WDR35: variants seen among roughly 807,000 people sequenced by gnomAD.
The protein encoded by WDR35 is WD repeat domain 35.
Under a neutral mutation model 158.3 loss-of-function variants are expected in WDR35, and 118 were observed. That is an observed-to-expected ratio of 0.75 (90% CI 0.64 to 0.87). WDR35 has a LOEUF of 0.87. Among genes scored for constraint, WDR35 ranks in the 40% least tolerant of loss-of-function variants. WDR35 has a pLI of 0.00. For missense variants in WDR35, 1,263 were observed against 1,405.8 expected, an observed-to-expected ratio of 0.90 and a Z score of 1.62; for synonymous variants, 448 against 476.1, an observed-to-expected ratio of 0.94 and a Z score of 0.77.
chr2:19,967,374 C>T (rs1158641231), intron 9 of WDR35, among the ~76,000 whole-genome samples: 1 of 152,024 alleles, frequency 6.6e-6, no homozygotes, highest in Non-Finnish European at 1.5e-5. Context: ...AATAATCCTA[C>T]CTGGCTTATT....
At chr2:19,927,729 C>T (rs1670401262) in intron 25 of WDR35, among the ~76,000 whole-genome samples, 1 of 152,188 alleles carries the variant, frequency 6.6e-6, no homozygotes, top group Non-Finnish European at 1.5e-5. Flanking sequence ...ATTAAAAGAA[C>T]AAATATTCAA....
chr2:19,984,115 A>G (rs899983213), intron 2 of WDR35, among the ~76,000 whole-genome samples: 1 of 151,670 alleles, frequency 6.6e-6, no homozygotes, highest in African/African-American at 2.4e-5. Context: ...ATTTAGATTG[A>G]CCACCCATGT....
intron 9 of WDR35, among the ~76,000 whole-genome samples, chr2:19,967,390 C>G (rs146718981): frequency 6.6e-5 from 10 of 152,094 alleles, no homozygotes; most frequent in African/African-American, 2.4e-4. Context: ...TTATTTAAAA[C>G]AAAAACAAAT....
intron 16 of WDR35, among the ~76,000 whole-genome samples, chr2:19,942,316 A>T (rs1670906421): frequency 1.3e-5 from 2 of 152,218 alleles, no homozygotes; most frequent in Admixed American, 1.3e-4. Flanking sequence ...CATCTATCAA[A>T]GAAATCCCAT....
chr2:19,985,580 TAAA>T (rs532102922), intron 2 of WDR35, among the ~76,000 whole-genome samples: 12 of 116,508 alleles, frequency 1.0e-4, no homozygotes, highest in African/African-American at 1.3e-4. Flanking sequence ...CTGGTCCCTT[TAAA>T]AAAAAAAAAA....
At chr2:19,984,032 TATATATATACATATATAC>T (rs59744205) in intron 2 of WDR35, among the ~76,000 whole-genome samples, 740 of 4,862 alleles carry the variant, frequency 0.15, 15 homozygotes, top group African/African-American at 0.18. Flanking sequence ...TATATATATA[TATATATATACATATATAC>T]ACACACCCAC....
At chr2:19,967,127 TTA>T (rs1431082642) in intron 9 of WDR35, among the ~76,000 whole-genome samples, 1 of 152,202 alleles carries the variant, frequency 6.6e-6, no homozygotes, top group Non-Finnish European at 1.5e-5. Context: ...AAATATAAAT[TTA>T]GTTTGTCTAA....
intron 25 of WDR35, among the ~76,000 whole-genome samples, chr2:19,922,988 G>A (rs1670226159): frequency 6.6e-6 from 1 of 152,204 alleles, no homozygotes; most frequent in South Asian, 2.1e-4. Flanking sequence ...TGCTCCTGCT[G>A]CAGATAACTA....
intron 25 of WDR35, among the ~76,000 whole-genome samples, chr2:19,926,040 T>C (rs562429681): frequency 4.6e-5 from 7 of 152,328 alleles, no homozygotes; most frequent in African/African-American, 1.2e-4. Context: ...AATGGGCACA[T>C]AGCTCCAACA....
At chr2:19,957,142 T>G (rs1189859180) in intron 11 of WDR35, among the ~76,000 whole-genome samples, 2 of 152,186 alleles carry the variant, frequency 1.3e-5, no homozygotes, top group Non-Finnish European at 2.9e-5. Flanking sequence ...GAAACTGCTC[T>G]TAACTACTAG....
Position 19,985,580 on chromosome 2 carries a change from TAA to T in WDR35, c.143-3048_143-3047del, listed in dbSNP as rs532102922. ...AGGAAATGACATCATCTGGTCCCTT[TAA>T]AAAAAAAAAAAAAAAAAAGGGCCGG... On this transcript the variant is annotated intron_variant, in intron 2 of 26. Coordinates refer to ENST00000281405, the MANE Select transcript of WDR35 (RefSeq NM_020779.4). 1.9e-3 allele frequency among the ~76,000 whole-genome samples: 217 copies of T among 116,494 alleles called. 3 individuals are homozygous for T. The highest frequency in any genetic ancestry group is 3.5e-3 in the East Asian group (14 of 4,004). 76.4% of individuals were successfully genotyped at this position (116,494 alleles called of 152,430 possible).
intron 25 of WDR35, among the ~76,000 whole-genome samples, chr2:19,927,526 G>T (rs999889576): frequency 1.3e-5 from 2 of 152,268 alleles, no homozygotes; most frequent in East Asian, 3.9e-4. Context: ...TAAGAAGTAC[G>T]GCAAGAGTTC....
At position 19,932,293 on chromosome 2, in the gene WDR35, A is replaced by G. The variant is rs1317684062; in HGVS notation, c.2813T>C (p.Leu938Pro). The stretch of plus-strand genomic sequence containing the variant: ...AGATTTTTACATTACCTTAAACATC[A>G]GTTTAGCTGCATCAAAAAAGTAATT... ...KANYFFDAAK[L>P]MFKIADEEAK... Residue 938 changes from leucine (L) to proline (P), a missense_variant, in exon 23 of 27, where the codon CTG becomes CCG. Transcript: ENST00000281405. 1 of 1,613,274 alleles carries G rather than the reference A, an allele frequency of 6.2e-7. No individual in the cohort carries two copies. The highest frequency in any genetic ancestry group is 2.2e-5 in the East Asian group (1 of 44,702).
intron 25 of WDR35, among the ~76,000 whole-genome samples, chr2:19,918,623 A>C (rs571584071): frequency 6.6e-6 from 1 of 152,340 alleles, no homozygotes; most frequent in Non-Finnish European, 1.5e-5. Flanking sequence ...ACAGACTTTA[A>C]CTGACAAAAA....
At chr2:19,964,111 T>A (rs534608227) in intron 10 of WDR35, among the ~76,000 whole-genome samples, 56 of 152,208 alleles carry the variant, frequency 3.7e-4, no homozygotes, top group Non-Finnish European at 5.7e-4. Flanking sequence ...AAACCATTGC[T>A]GTTGACAAAT....
In WDR35 at chr2:19,960,549, C is replaced by T. The variant is rs1034087679; in HGVS notation, c.1255+5G>A. The T allele has an allele frequency of 1.3e-6, 2 of 1,597,310 alleles. No homozygotes were observed. The highest frequency in any genetic ancestry group is 1.7e-6 in the Non-Finnish European group (2 of 1,166,206). Reference sequence around the variant, plus strand: ...GAAAAGAAATAAATATCAACATTTCCTTACCAATATCAATGTATTTGGGAT... The same window carrying T: ...GAAAAGAAATAAATATCAACATTTCTTTACCAATATCAATGTATTTGGGAT... On this transcript the variant is annotated splice_donor_5th_base_variant and intron_variant, in intron 11 of 26. Coordinates refer to ENST00000281405, the MANE Select transcript of WDR35 (RefSeq NM_020779.4).
chr2:19,974,053 G>A (rs1055527078), intron 7 of WDR35, among the ~76,000 whole-genome samples: 45 of 151,606 alleles, frequency 3.0e-4, no homozygotes, highest in Admixed American at 1.1e-3. Flanking sequence ...AGCCAAGAAC[G>A]CACCACTGCA....
chr2:19,949,849 C>T (rs556478744), intron 13 of WDR35, among the ~76,000 whole-genome samples: 8 of 152,192 alleles, frequency 5.3e-5, no homozygotes, highest in South Asian at 2.1e-4. Flanking sequence ...AATGAGTTCT[C>T]GTGATTCTTG....
At chr2:19,916,319 G>A (rs1669990289) in intron 25 of WDR35, among the ~76,000 whole-genome samples, 1 of 152,176 alleles carries the variant, frequency 6.6e-6, no homozygotes, top group African/African-American at 2.4e-5. Flanking sequence ...GGCCGTTTGA[G>A]CTGACACCAA....
Sources: allele counts gnomAD v4.1 joint callset (sites outside exome capture counted in the v4.1 genomes callset), GRCh38; gene constraint gnomAD v4.1.1; transcripts MANE v1.5; gene names NCBI Gene and HGNC (gene_info 2026-07-23, HGNC 2026-07-21).